The following CSMD2 variants were observed in gnomAD, a reference collection of about 807,000 sequenced individuals.
CSMD2 encodes CUB and Sushi multiple domains 2, also known as CUB and sushi domain-containing protein 2.
CSMD2 carries 130 observed loss-of-function variants against 398.5 expected under a neutral mutation model. The observed-to-expected ratio is 0.33, with a 90% CI of 0.28 to 0.38. The LOEUF is 0.38. Among genes scored for constraint, CSMD2 ranks in the 10% least tolerant of loss-of-function variants. The probability of loss-of-function intolerance (pLI) is 1.00; values close to 1 mark genes in which losing one functional copy is unlikely to be tolerated. For synonymous variants in CSMD2, 1,828 were observed against 1,908.5 expected (o/e 0.96, Z 1.10); for missense variants, 3,829 against 4,764.9 (o/e 0.80, Z 5.78).
intron 25 of CSMD2, among the ~76,000 whole-genome samples, chr1:33,664,437 T>C (rs1644242377): frequency 6.6e-6 from 1 of 152,232 alleles, no homozygotes; most frequent in Non-Finnish European, 1.5e-5. Flanking sequence ...CATCTTTATG[T>C]AGCTTTGTGC....
At chr1:33,691,859 T>TC (rs749542683) in intron 25 of CSMD2, among the ~76,000 whole-genome samples, 13 of 152,046 alleles carry the variant, frequency 8.6e-5, no homozygotes, top group East Asian at 7.7e-4. Context: ...CCAGACTGTT[T>TC]CCCCCCCAAT....
intron 3 of CSMD2, among the ~76,000 whole-genome samples, chr1:33,952,290 G>A (rs1167298081): frequency 6.6e-6 from 1 of 152,196 alleles, no homozygotes; most frequent in East Asian, 1.9e-4. Context: ...TTAAGCAGAG[G>A]AAAACTAATA....
rs114857902 is a variant in CSMD2, at chr1:33,855,858, G to A, written c.921-8862C>T. Among the ~76,000 whole-genome samples, 925 of 152,280 alleles carry A rather than the reference G, an allele frequency of 6.1e-3. 5 individuals carry two copies. Among genetic ancestry groups the A allele is most frequent in the African/African-American group, 0.021 (861 of 41,538 alleles). On this transcript the variant is annotated intron_variant, in intron 5 of 70. Coordinates refer to ENST00000373381, the MANE Select transcript of CSMD2 (RefSeq NM_001281956.2). ...CTTCTTCTTCCTGACTGGAGTCTCT[G>A]CCTAAGTAAAGATGACACCTATCTG...
Position 33,542,897 on chromosome 1 carries a change from C to A in CSMD2, c.9101-1G>T. 1 of 1,613,638 alleles carries A rather than the reference C, an allele frequency of 6.2e-7. No homozygotes were observed. Among genetic ancestry groups the A allele is most frequent in the Non-Finnish European group, 8.5e-7 (1 of 1,179,756 alleles). On this transcript the variant is annotated splice_acceptor_variant, in intron 57 of 70. Coordinates refer to ENST00000373381, the MANE Select transcript of CSMD2 (RefSeq NM_001281956.2). LOFTEE classifies it high-confidence loss of function. ...GTCCCAGGGTTCCCACAAGAGATCA[C>A]TAGGAAGACAAAAATACACATTATT...
intron 21 of CSMD2, among the ~76,000 whole-genome samples, chr1:33,713,130 A>T (rs1010991152): frequency 6.6e-6 from 1 of 152,226 alleles, no homozygotes; most frequent in African/African-American, 2.4e-5. Flanking sequence ...TTTATAAACA[A>T]GGAAGCTGAG....
At chr1:33,957,155 C>A (rs1376655325) in intron 3 of CSMD2, among the ~76,000 whole-genome samples, 1 of 152,060 alleles carries the variant, frequency 6.6e-6, no homozygotes, top group Admixed American at 6.5e-5. Flanking sequence ...TGACACTTAT[C>A]ACAACTGGCT....
chr1:33,560,934 C>A (rs924412448), intron 53 of CSMD2, among the ~76,000 whole-genome samples: 21 of 152,302 alleles, frequency 1.4e-4, no homozygotes, highest in African/African-American at 4.6e-4. Context: ...GATCCTTAGT[C>A]CTTAGTTCTA....
intron 3 of CSMD2, among the ~76,000 whole-genome samples, chr1:33,954,866 A>G (rs969229107): frequency 6.6e-6 from 1 of 152,204 alleles, no homozygotes; most frequent in African/African-American, 2.4e-5. Context: ...TGGGAAAATG[A>G]AAAGGTTCTG....
intron 3 of CSMD2, among the ~76,000 whole-genome samples, chr1:33,946,620 C>CTTTT (rs756819198): frequency 6.9e-6 from 1 of 145,002 alleles, no homozygotes. Flanking sequence ...CATCTGACAA[C>CTTTT]TTTTTTTTTT....
rs538909854 is a variant in CSMD2, at chr1:34,039,353, C to T, written c.405-6647G>A. ...CAAGGTCAGTGATCCTTGGCCTCCG[C>T]AGCCACGGTCTCTGAGCAACTCCCC... On this transcript the variant is annotated intron_variant, in intron 2 of 70. Coordinates refer to ENST00000373381, the MANE Select transcript of CSMD2 (RefSeq NM_001281956.2). Among the ~76,000 whole-genome samples the T allele has an allele frequency of 1.9e-4, 29 of 152,362 alleles. No homozygotes were observed. The East Asian group carries it at 5.0e-3, about 26-fold the overall frequency.
intron 3 of CSMD2, among the ~76,000 whole-genome samples, chr1:34,030,514 AG>A (rs1158081153): frequency 1.3e-5 from 2 of 152,190 alleles, no homozygotes; most frequent in African/African-American, 4.8e-5. Context: ...TATTCTCCCT[AG>A]AAAAAGATAT....
intron 5 of CSMD2, among the ~76,000 whole-genome samples, chr1:33,908,813 C>T (rs879746283): frequency 6.6e-5 from 10 of 152,152 alleles, no homozygotes; most frequent in Admixed American, 2.6e-4. Context: ...CTTACTGCTC[C>T]GCGGCAGAGC....
chr1:33,566,932 C>G (rs1180570080), intron 53 of CSMD2, among the ~76,000 whole-genome samples: 1 of 152,060 alleles, frequency 6.6e-6, no homozygotes, highest in African/African-American at 2.4e-5. Context: ...AGATATATCT[C>G]ATGAATATAT....
intron 15 of CSMD2, 87 bp downstream of exon 15, chr1:33,739,052 AG>A: frequency 7.5e-7 from 1 of 1,326,830 alleles, no homozygotes; most frequent in Non-Finnish European, 1.0e-6. Flanking sequence ...CAACGCAGAA[AG>A]GAACCACCAT....
intron 53 of CSMD2, among the ~76,000 whole-genome samples, chr1:33,561,416 G>A (rs897266594): frequency 6.6e-6 from 1 of 152,220 alleles, no homozygotes; most frequent in African/African-American, 2.4e-5. Context: ...TTCTATAGCT[G>A]CAAAGTAAGA....
chr1:33,788,736 G>A (rs745342255), intron 11 of CSMD2, 24 bp from the exon 12 acceptor site: 1 of 1,382,644 alleles, frequency 7.2e-7, no homozygotes, highest in Non-Finnish European at 1.0e-6. Context: ...GATATTTAGA[G>A]GTGTGCTCTC....
intron 2 of CSMD2, 88 bp from the exon 3 acceptor site, chr1:34,032,794 A>G: frequency 1.1e-6 from 1 of 881,674 alleles, no homozygotes; most frequent in Non-Finnish European, 1.8e-6. Context: ...TGCTGGATAC[A>G]CAGTGCTGAT....
intron 1 of CSMD2, among the ~76,000 whole-genome samples, chr1:34,139,496 T>C (rs984842883): frequency 1.3e-5 from 2 of 152,240 alleles, no homozygotes; most frequent in African/African-American, 4.8e-5. Context: ...TTTAGAATTT[T>C]GTGGTTATTC....
intron 53 of CSMD2, among the ~76,000 whole-genome samples, chr1:33,563,401 G>A (rs1335320054): frequency 1.3e-5 from 2 of 152,106 alleles, no homozygotes; most frequent in Admixed American, 1.3e-4. Flanking sequence ...AGGTGGGAGA[G>A]AAGGGGCAAG....
Sources: allele counts gnomAD v4.1 joint callset (sites outside exome capture counted in the v4.1 genomes callset), GRCh38; gene constraint gnomAD v4.1.1; transcripts MANE v1.5; gene names NCBI Gene and HGNC (gene_info 2026-07-23, HGNC 2026-07-21).